The following ACTN2 variants were observed in gnomAD, a reference collection of about 807,000 sequenced individuals.
ACTN2 encodes alpha-actinin-2.
Under a neutral mutation model 113.8 loss-of-function variants are expected in ACTN2, and 39 were observed. That is an observed-to-expected ratio of 0.34 (90% CI 0.27 to 0.45). The LOEUF (loss-of-function observed/expected upper bound fraction) is 0.45, where lower values mean the gene tolerates loss of function less well. ACTN2 is among the 20% of genes least tolerant of loss of function. ACTN2 has a pLI of 1.00. For missense variants in ACTN2, 992 were observed against 1,177.9 expected (o/e 0.84, Z 2.31); for synonymous variants, 429 against 444.1 (o/e 0.97, Z 0.43).
intron 1 of ACTN2, among the ~76,000 whole-genome samples, chr1:236,705,197 T>A (rs959629602): frequency 1.3e-5 from 2 of 150,370 alleles, no homozygotes; most frequent in African/African-American, 5.0e-5. Context: ...TATATACCTG[T>A]GTGTGTATAA....
At chr1:236,737,925 A>G (rs948865404) in intron 9 of ACTN2, among the ~76,000 whole-genome samples, 2 of 152,152 alleles carry the variant, frequency 1.3e-5, no homozygotes, top group Non-Finnish European at 2.9e-5. Context: ...GCCCCCAGCC[A>G]CCTCCTCTCT....
At chr1:236,698,284 A>G (rs141891622) in intron 1 of ACTN2, among the ~76,000 whole-genome samples, 103 of 151,302 alleles carry the variant, frequency 6.8e-4, no homozygotes, top group African/African-American at 2.3e-3. Flanking sequence ...TTTCAGTTGT[A>G]TCATTTATAG....
rs1025943151 is a variant in ACTN2, at chr1:236,757,545, G to A, written c.2214G>A (p.Val738=). 1.2e-6 allele frequency: 2 copies of A among 1,614,050 alleles called. No individual in the cohort carries two copies. The highest frequency in any genetic ancestry group is 1.3e-5 in the African/African-American group (1 of 74,916). The change falls in exon 18 of 21, where the codon GTG becomes GTA. Residue 738 remains valine, a synonymous_variant. Transcript: ENST00000366578. ...LTTIARTINE[V]ETQILTRDAK... is the part of the protein sequence containing the mutation. ...CCATCGCCAGAACCATCAATGAGGT[G>A]GAGACTCAGATCCTGACGAGAGATG... is the stretch of plus-strand genomic sequence containing the variant.
At chr1:236,699,490 C>T (rs1657611945) in intron 1 of ACTN2, among the ~76,000 whole-genome samples, 1 of 152,186 alleles carries the variant, frequency 6.6e-6, no homozygotes, top group African/African-American at 2.4e-5. Context: ...ATGAAGGGCA[C>T]ATTATCGGAG....
chr1:236,692,999 G>A (rs1367268455), intron 1 of ACTN2, among the ~76,000 whole-genome samples: 2 of 152,128 alleles, frequency 1.3e-5, no homozygotes, highest in Non-Finnish European at 2.9e-5. Context: ...GAATCCTACC[G>A]CCGTTTCCCT....
chr1:236,720,385 CGG>C (rs918846522), intron 4 of ACTN2, among the ~76,000 whole-genome samples, 194 bp downstream of exon 4: 3 of 152,168 alleles, frequency 2.0e-5, no homozygotes, highest in Non-Finnish European at 4.4e-5. Flanking sequence ...GGGGTGGAAT[CGG>C]TTTGCAAAAG....
chr1:236,753,997 T>A lies in ACTN2; in HGVS notation c.1890T>A (p.Ala630=). 6.2e-7 allele frequency: 1 copy of A among 1,614,176 alleles called. No homozygotes were observed. The highest frequency in any genetic ancestry group is 8.5e-7 in the Non-Finnish European group (1 of 1,180,048). ...ATCAATCCCTGCAGGAGGAGCTGGCTCGCCAGCATGCTAACGAGCGTCTGA... is the reference window on the plus strand; with the variant it reads ...ATCAATCCCTGCAGGAGGAGCTGGCACGCCAGCATGCTAACGAGCGTCTGA... ...IRDQSLQEEL[A]RQHANERLRR... The change falls in exon 16 of 21, where the codon GCT becomes GCA. Residue 630 remains alanine, a synonymous_variant. Coordinates refer to ENST00000366578, the MANE Select transcript of ACTN2 (RefSeq NM_001103.4).
At chr1:236,732,595 A>G (rs1236692225) in intron 7 of ACTN2, among the ~76,000 whole-genome samples, 2 of 151,930 alleles carry the variant, frequency 1.3e-5, no homozygotes, top group African/African-American at 4.8e-5. Flanking sequence ...GGCATGCACC[A>G]CCATGCCCAG....
At position 236,727,723 on chromosome 1, in the gene ACTN2, G is replaced by T. The variant is rs767283256; in HGVS notation, c.582G>T (p.Arg194=). 9 of 1,614,150 alleles carry T rather than the reference G, an allele frequency of 5.6e-6. No individual in the cohort carries two copies. The highest frequency in any genetic ancestry group is 7.6e-6 in the Non-Finnish European group (9 of 1,180,026). The stretch of plus-strand genomic sequence containing the variant: ...TCTGTGCCCTCATCCACCGACACCG[G>T]CCTGACCTCATTGACTACTCAAAGC... The part of the protein sequence containing the change: ...LGLCALIHRH[R]PDLIDYSKLN... The change falls in exon 6 of 21, where the codon CGG becomes CGT. Residue 194 remains arginine, a synonymous_variant. Coordinates refer to ENST00000366578, the MANE Select transcript of ACTN2 (RefSeq NM_001103.4).
At position 236,719,072 on chromosome 1, in the gene ACTN2, C is replaced by G; in HGVS notation, c.361+59C>G. 4.4e-6 allele frequency: 7 copies of G among 1,608,640 alleles called. No individual in the cohort carries two copies. In the South Asian group the frequency reaches 6.6e-5, roughly 15 times the overall value. On this transcript the variant is annotated intron_variant, in intron 3 of 20. Coordinates refer to ENST00000366578, the MANE Select transcript of ACTN2 (RefSeq NM_001103.4). Reference sequence around the variant, plus strand: ...ACTGACCTAATAGCGTAGGTGTGGGCTGCGACTTGAATTCTCCCCTTCTTC... The same window carrying G: ...ACTGACCTAATAGCGTAGGTGTGGGGTGCGACTTGAATTCTCCCCTTCTTC...
chr1:236,713,544 T>C (rs1254163312), intron 1 of ACTN2, among the ~76,000 whole-genome samples: 1 of 151,622 alleles, frequency 6.6e-6, no homozygotes, highest in Non-Finnish European at 1.5e-5. Context: ...GAACAATGTA[T>C]ATCCTATGAT....
At chr1:236,692,011 G>A (rs1666101281) in intron 1 of ACTN2, among the ~76,000 whole-genome samples, 1 of 152,252 alleles carries the variant, frequency 6.6e-6, no homozygotes, top group African/African-American at 2.4e-5. Context: ...GAGCTCCAGA[G>A]GTTTTTTGAG....
chr1:236,741,353 T>C (rs1462966057), intron 10 of ACTN2, among the ~76,000 whole-genome samples: 1 of 152,238 alleles, frequency 6.6e-6, no homozygotes, highest in Non-Finnish European at 1.5e-5. Context: ...CCCATGGTTT[T>C]AATTGCCACC....
At chr1:236,741,156 C>T (rs143690820) in intron 10 of ACTN2, among the ~76,000 whole-genome samples, 6 of 152,292 alleles carry the variant, frequency 3.9e-5, no homozygotes, top group African/African-American at 1.4e-4. Context: ...GTGATCCTCC[C>T]ACCTCAACAT....
intron 13 of ACTN2, 185 bp downstream of exon 13, chr1:236,747,960 T>C: frequency 1.6e-6 from 1 of 613,380 alleles, no homozygotes; most frequent in Non-Finnish European, 2.9e-6. Context: ...TGTGCTGTAA[T>C]TTATCCAGAC....
At position 236,733,691 on chromosome 1, in the gene ACTN2, A is replaced by G. The variant is rs1319223703; in HGVS notation, c.698-1944A>G. Among the ~76,000 whole-genome samples, 7 of 152,242 alleles carry G rather than the reference A, an allele frequency of 4.6e-5. No homozygotes were observed. In the East Asian group the frequency reaches 1.4e-3, roughly 29 times the overall value. ...GCATTCCCTGTATTCCTGTATTCCC[A>G]TGCCTTCTATCAGCAGTTTAAAATT... On this transcript the variant is annotated intron_variant, in intron 7 of 20. Coordinates refer to ENST00000366578, the MANE Select transcript of ACTN2 (RefSeq NM_001103.4).
rs575461795 is a variant in ACTN2 at position 236,749,360 on chromosome 1, T to TA, written c.1656+105dup. 370 of 1,472,928 alleles carry TA rather than the reference T, an allele frequency of 2.5e-4. 2 individuals are homozygous for TA. Among genetic ancestry groups the TA allele is most frequent in the South Asian group, 1.9e-3 (155 of 83,232 alleles). 91.2% of individuals were successfully genotyped at this position (1,472,928 alleles called of 1,614,324 possible). On this transcript the variant is annotated intron_variant, in intron 14 of 20. Coordinates refer to ENST00000366578, the MANE Select transcript of ACTN2 (RefSeq NM_001103.4). ...TATTTGGTTTCTTGTTTTCTTGCTT[T>TA]AAAAAAAAATTAACAAATGTGGCTA... is the stretch of plus-strand genomic sequence containing the variant.
At chr1:236,741,974 G>T (rs553932366) in intron 10 of ACTN2, among the ~76,000 whole-genome samples, 1 of 152,078 alleles carries the variant, frequency 6.6e-6, no homozygotes, top group Admixed American at 6.6e-5. Context: ...CCTGCCTGCC[G>T]TCCTTCCCGC....
chr1:236,754,056 G>T lies in ACTN2; in HGVS notation c.1949G>T (p.Gly650Val). The part of the protein sequence containing the change: ...RQFAAQANAI[G>V]PWIQNKMEEI... ...TTTGCTGCCCAAGCCAATGCCATTG[G>T]GCCCTGGATCCAGAACAAGATGGAG... is the stretch of plus-strand genomic sequence containing the variant. Residue 650 changes from glycine (G) to valine (V), a missense_variant, in exon 16 of 21, where the codon GGG (glycine) becomes GTG (valine). By Grantham distance (109) the Gly-to-Val change is moderately radical (BLOSUM62 -3). Around this residue, in one of 3 missense-constraint regions of ACTN2, gnomAD observed 736 missense variants for 815.4 expected, o/e 0.90. Transcript: ENST00000366578. This position sits in a 1 kb window ranked among gnomAD's most constrained non-coding sequence, Gnocchi z 4.9. 1 of 1,614,080 alleles carries T rather than the reference G, an allele frequency of 6.2e-7. No individual in the cohort carries two copies. The highest frequency in any genetic ancestry group is 8.5e-7 in the Non-Finnish European group (1 of 1,180,032).
Sources: allele counts gnomAD v4.1 joint callset (sites outside exome capture counted in the v4.1 genomes callset), GRCh38; gene constraint gnomAD v4.1.1; regional missense constraint gnomAD v4.1.1; non-coding constraint Gnocchi (gnomAD v3.1); transcripts MANE v1.5; gene names NCBI Gene and HGNC (gene_info 2026-07-23, HGNC 2026-07-21).